Variants in GABRA3 observed in about 807,000 individuals in gnomAD.
The protein encoded by GABRA3 is gamma-aminobutyric acid receptor subunit alpha-3.
Under a neutral mutation model 30.1 loss-of-function variants are expected in GABRA3, and 10 were observed. The ratio of observed to expected loss-of-function variants is 0.33; its 90% confidence interval spans 0.20 to 0.56. The LOEUF is 0.56. GABRA3 is among the 20% of genes least tolerant of loss of function. The probability of loss-of-function intolerance (pLI) is 0.89; values close to 1 mark genes in which losing one functional copy is unlikely to be tolerated. For synonymous variants in GABRA3, 151 were observed against 146.8 expected, an observed-to-expected ratio of 1.03 and a Z score of -0.21; for missense variants, 233 against 392.0, an observed-to-expected ratio of 0.59 and a Z score of 3.42.
At chrX:152,222,111 C>G (rs1208063043) in intron 6 of GABRA3, among the ~76,000 whole-genome samples, 6 of 110,834 alleles carry the variant, frequency 5.4e-5, no homozygotes, top group Non-Finnish European at 1.1e-4. Flanking sequence ...TTTCTTTATT[C>G]AGTCTATTAT....
intron 3 of GABRA3, among the ~76,000 whole-genome samples, chrX:152,299,886 G>T (rs1390019316): frequency 8.9e-6 from 1 of 111,869 alleles, no homozygotes; most frequent in African/African-American, 3.2e-5. Context: ...CAAAGGCAAA[G>T]ACACAAAGGG....
intron 1 of GABRA3, among the ~76,000 whole-genome samples, chrX:152,402,227 A>C (rs1192725352): frequency 1.8e-5 from 2 of 111,866 alleles, no homozygotes; most frequent in Non-Finnish European, 3.8e-5. Context: ...CCAGAAGCTG[A>C]TGGAGGAAAA....
At chrX:152,234,100 G>C (rs982040769) in intron 5 of GABRA3, among the ~76,000 whole-genome samples, 1 of 103,692 alleles carries the variant, frequency 9.6e-6, no homozygotes, top group East Asian at 3.2e-4. Context: ...AATGCTAGAT[G>C]AGGAGTTAGT....
intron 1 of GABRA3, among the ~76,000 whole-genome samples, chrX:152,427,043 A>G (rs773323706): frequency 2.7e-5 from 3 of 111,749 alleles, no homozygotes; most frequent in Admixed American, 1.9e-4. Context: ...ATAACCCAAT[A>G]CGGCAGGTAT....
intron 5 of GABRA3, among the ~76,000 whole-genome samples, chrX:152,245,445 T>C (rs952927410): frequency 9.0e-6 from 1 of 110,877 alleles, no homozygotes; most frequent in African/African-American, 3.3e-5. Flanking sequence ...AGAATGCCAG[T>C]TGTCTGAGGT....
chrX:152,390,181 T>A (rs184678245), intron 1 of GABRA3, among the ~76,000 whole-genome samples: 1 of 111,798 alleles, frequency 8.9e-6, no homozygotes, highest in Admixed American at 9.5e-5. Context: ...TCAGAGTAAT[T>A]TGATCGTCTG....
chrX:152,222,528 T>G (rs970808730), intron 6 of GABRA3, among the ~76,000 whole-genome samples: 1 of 109,024 alleles, frequency 9.2e-6, no homozygotes, highest in African/African-American at 3.3e-5. Flanking sequence ...GACGTCTAAA[T>G]CACCTGTAGG....
intron 3 of GABRA3, among the ~76,000 whole-genome samples, chrX:152,303,207 G>A (rs1939662640): frequency 8.9e-6 from 1 of 112,287 alleles, no homozygotes; most frequent in Non-Finnish European, 1.9e-5. Context: ...GTGTATAAGT[G>A]TTGCCTTTTC....
chrX:152,345,456 G>A (rs1325221778), intron 3 of GABRA3, 125 bp downstream of exon 3: 1 of 726,808 alleles, frequency 1.4e-6, no homozygotes, highest in Non-Finnish European at 2.0e-6. Context: ...TCATAGGGAA[G>A]AAATTCAGCT....
At chrX:152,289,919 G>T (rs550590920) in intron 3 of GABRA3, among the ~76,000 whole-genome samples, 2 of 111,879 alleles carry the variant, frequency 1.8e-5, no homozygotes, top group Admixed American at 1.9e-4. Context: ...GTCTATCATT[G>T]GTGGACATTT....
chrX:152,185,425 G>A (rs1348777751), intron 9 of GABRA3, among the ~76,000 whole-genome samples: 2 of 110,977 alleles, frequency 1.8e-5, no homozygotes, highest in Admixed American at 1.9e-4. Context: ...ATGGAGAAAT[G>A]GTCATCATTT....
At chrX:152,437,941 T>A (rs923740460) in intron 1 of GABRA3, among the ~76,000 whole-genome samples, 2 of 111,988 alleles carry the variant, frequency 1.8e-5, no homozygotes. Flanking sequence ...GAAAGAATGA[T>A]CCATGAAAGT....
intron 2 of GABRA3, among the ~76,000 whole-genome samples, chrX:152,356,448 AAGC>A (rs1187887860): frequency 8.9e-6 from 1 of 111,811 alleles, no homozygotes; most frequent in Non-Finnish European, 1.9e-5. Context: ...AATAATCAAA[AAGC>A]AGCAGCAGCT....
chrX:152,277,701 T>G (rs1939113179), intron 4 of GABRA3, among the ~76,000 whole-genome samples: 1 of 112,022 alleles, frequency 8.9e-6, no homozygotes, highest in African/African-American at 3.3e-5. Context: ...AAATGAATTC[T>G]GTTGTTTTGT....
At chrX:152,406,896 T>A (rs1381231544) in intron 1 of GABRA3, among the ~76,000 whole-genome samples, 2 of 111,907 alleles carry the variant, frequency 1.8e-5, no homozygotes. Context: ...ACATAAGCTA[T>A]CTTTTTCTTC....
intron 9 of GABRA3, chrX:152,187,333 C>T (rs1937268727): frequency 9.0e-6 from 1 of 111,461 alleles, no homozygotes; most frequent in Non-Finnish European, 1.9e-5. Flanking sequence ...ACCTGCTGCT[C>T]TAGATTTCAG....
chrX:152,327,986 CAAAT>C (rs1569398006), intron 3 of GABRA3, among the ~76,000 whole-genome samples: 1 of 111,086 alleles, frequency 9.0e-6, no homozygotes, highest in African/African-American at 3.3e-5. Flanking sequence ...AGAGAAGAAT[CAAAT>C]AAACACGATA....
At position 152,229,932 on chromosome X, in the gene GABRA3, G is replaced by T. The variant is rs145046123; in HGVS notation, c.552-5087C>A. ...ACTCTCAAAAATCTAGGAATAGAAGGCAACTTCCTCAACTGATAAATGGCA... is the reference window on the plus strand; with the variant it reads ...ACTCTCAAAAATCTAGGAATAGAAGTCAACTTCCTCAACTGATAAATGGCA... On this transcript the variant is annotated intron_variant, in intron 5 of 9. Coordinates refer to ENST00000370314, the MANE Select transcript of GABRA3 (RefSeq NM_000808.4). 9.2e-4 allele frequency among the ~76,000 whole-genome samples: 97 copies of T among 105,571 alleles called. No individual in the cohort carries two copies. The East Asian group carries it at 0.027, about 29-fold the overall frequency. The allele number at this position is 105,571 out of a possible 115,157, so 91.7% of individuals were successfully genotyped here.
chrX:152,253,315 T>C (rs1938586782), intron 5 of GABRA3, among the ~76,000 whole-genome samples: 1 of 108,359 alleles, frequency 9.2e-6, no homozygotes, highest in African/African-American at 3.5e-5. Flanking sequence ...ATCTCTCTCC[T>C]GATCTTAAGA....
Sources: gnomAD v4.1 joint callset for allele counts (sites outside exome capture counted in the v4.1 genomes callset) on GRCh38, gnomAD v4.1.1 for gene constraint, MANE v1.5 for transcripts, NCBI Gene and HGNC (gene_info 2026-07-23, HGNC 2026-07-21) for gene names.